Variants in HERC4 observed in about 807,000 individuals in gnomAD.
HERC4 encodes the protein probable E3 ubiquitin-protein ligase HERC4.
In HERC4, 28 loss-of-function variants were observed where a neutral mutation model predicts 124.3. The observed-to-expected ratio is 0.23, with a 90% CI of 0.17 to 0.31. HERC4 has a LOEUF of 0.31. Among genes scored for constraint, HERC4 ranks in the 10% least tolerant of loss-of-function variants. HERC4 has a pLI of 1.00. For missense variants in HERC4, 713 were observed against 1,229.3 expected, an observed-to-expected ratio of 0.58 and a Z score of 6.28; for synonymous variants, 407 against 421.5, an observed-to-expected ratio of 0.97 and a Z score of 0.42.
At chr10:67,929,663 C>T (rs57917056) in intron 23 of HERC4, among the ~76,000 whole-genome samples, 11,444 of 151,016 alleles carry the variant, frequency 0.076, 1,123 homozygotes, top group African/African-American at 0.23. Context: ...TACTGGTGCA[C>T]GCCACCATAA....
chr10:67,950,361 C>T (rs1452276390), intron 19 of HERC4, among the ~76,000 whole-genome samples: 2 of 151,734 alleles, frequency 1.3e-5, no homozygotes, highest in African/African-American at 2.4e-5. Flanking sequence ...CTGCAACCTC[C>T]GCCATCCAGG....
Position 67,992,283 on chromosome 10 carries a change from G to A in HERC4, c.1187C>T (p.Thr396Ile), listed in dbSNP as rs2036594464. ...TTCATTCACTGTCCAGATCTGCTTTGTCGGATTGGGACATCTGAAGTCATC... is the reference window on the plus strand; with the variant it reads ...TTCATTCACTGTCCAGATCTGCTTTATCGGATTGGGACATCTGAAGTCATC... ...PPDDFRCPNP[T>I]KQIWTVNEAL... The change falls in exon 11 of 25, where the codon ACA becomes ATA. Residue 396 changes from threonine to isoleucine, a missense_variant. By Grantham distance (89) the Thr-to-Ile change is moderately conservative. Transcript: ENST00000373700. 6.2e-7 allele frequency: 1 copy of A among 1,613,804 alleles called. No homozygotes were observed. Among genetic ancestry groups the A allele is most frequent in the Admixed American group, 1.7e-5 (1 of 60,010 alleles).
At chr10:67,960,335 T>C (rs1205627450) in intron 16 of HERC4, among the ~76,000 whole-genome samples, 1 of 152,198 alleles carries the variant, frequency 6.6e-6, no homozygotes, top group East Asian at 1.9e-4. Flanking sequence ...TTTCTTCCCT[T>C]GGCTGATTTT....
intron 15 of HERC4, among the ~76,000 whole-genome samples, chr10:67,967,100 C>T (rs2034927765): frequency 6.6e-6 from 1 of 152,204 alleles, no homozygotes; most frequent in African/African-American, 2.4e-5. Flanking sequence ...GTGATCTGTC[C>T]ACCTTGGCCT....
intron 8 of HERC4, among the ~76,000 whole-genome samples, chr10:68,023,864 G>A (rs1207050335): frequency 6.6e-6 from 1 of 152,106 alleles, no homozygotes. Flanking sequence ...GCAACACTAT[G>A]TTTTTGAAGA....
intron 3 of HERC4, among the ~76,000 whole-genome samples, chr10:68,047,869 T>C (rs1254151473): frequency 6.6e-6 from 1 of 152,212 alleles, no homozygotes; most frequent in Non-Finnish European, 1.5e-5. Context: ...ACCCAATTCC[T>C]TGATATTTAC....
chr10:68,009,697 G>C, intron 9 of HERC4, among the ~76,000 whole-genome samples: 1 of 152,152 alleles, frequency 6.6e-6, no homozygotes, highest in Non-Finnish European at 1.5e-5. Context: ...TTTCATAAAA[G>C]ATTTCTCTAT....
intron 9 of HERC4, among the ~76,000 whole-genome samples, chr10:68,002,399 G>A (rs1376573495): frequency 6.6e-6 from 1 of 151,326 alleles, no homozygotes; most frequent in African/African-American, 2.4e-5. Flanking sequence ...ATGAAAAGAA[G>A]GACATTTTGG....
chr10:67,965,265 AATAATAC>A (rs1254324105), intron 16 of HERC4: 1 of 152,184 alleles, frequency 6.6e-6, no homozygotes, highest in Non-Finnish European at 1.5e-5. Flanking sequence ...CCCTCATTTT[AATAATAC>A]ATATTATTAG....
intron 8 of HERC4, among the ~76,000 whole-genome samples, chr10:68,020,272 A>AG (rs1165305821): frequency 2.6e-5 from 4 of 152,192 alleles, no homozygotes; most frequent in Non-Finnish European, 4.4e-5. Context: ...AGACATACAA[A>AG]GTAGTAGGAA....
chr10:68,010,829 T>C, intron 9 of HERC4: 1 of 1,533,116 alleles, frequency 6.5e-7, no homozygotes, highest in Non-Finnish European at 9.0e-7. Flanking sequence ...CTTCAGGAGC[T>C]TGGCAAATTG....
At chr10:68,000,453 C>T (rs1335073743) in intron 9 of HERC4, among the ~76,000 whole-genome samples, 3 of 151,972 alleles carry the variant, frequency 2.0e-5, no homozygotes, top group Non-Finnish European at 2.9e-5. Flanking sequence ...GTGGCATGCA[C>T]CTGTAGTCCC....
intron 23 of HERC4, among the ~76,000 whole-genome samples, chr10:67,928,949 T>C (rs2031479235): frequency 2.0e-5 from 3 of 151,950 alleles, no homozygotes; most frequent in Non-Finnish European, 4.4e-5. Context: ...CTCCTGACAA[T>C]CCTGTCCCTC....
At chr10:68,071,906 A>G (rs1490813927) in intron 3 of HERC4, among the ~76,000 whole-genome samples, 1 of 152,236 alleles carries the variant, frequency 6.6e-6, no homozygotes, top group Non-Finnish European at 1.5e-5. Context: ...GAGATTTGGC[A>G]TGGTCGTGAG....
chr10:68,027,161 T>G (rs1330735026), intron 7 of HERC4, among the ~76,000 whole-genome samples: 1 of 152,268 alleles, frequency 6.6e-6, no homozygotes, highest in Non-Finnish European at 1.5e-5. Flanking sequence ...ATATGCAACT[T>G]TATATCCTGC....
chr10:67,992,398 AT>A, intron 10 of HERC4, 75 bp from the exon 11 acceptor site: 4 of 1,539,046 alleles, frequency 2.6e-6, no homozygotes, highest in Non-Finnish European at 3.5e-6. Flanking sequence ...TTCCCACCAT[AT>A]ATTTGTTCTT....
At chr10:67,941,617 CAT>C (rs773405085) in intron 19 of HERC4, among the ~76,000 whole-genome samples, 86 of 147,916 alleles carry the variant, frequency 5.8e-4, no homozygotes, top group South Asian at 1.1e-3. Context: ...GATTTTATCT[CAT>C]TTTCTAATTA....
chr10:68,039,587 C>T (rs892511084), intron 4 of HERC4: 10 of 1,500,412 alleles, frequency 6.7e-6, no homozygotes, highest in Non-Finnish European at 5.3e-6. Flanking sequence ...ATGCTCTTAA[C>T]TACAAAACCT....
rs879488845 is a variant in HERC4, at chr10:67,968,377, C to CT, written c.1807-1576dup. ...AGAAAGCACAGCTGAGAGGCTACTC[C>CT]TTTTTTTTTTTTTGAGACAAAGTCT... On this transcript the variant is annotated intron_variant, in intron 15 of 24. Transcript: ENST00000373700. 5.0e-3 allele frequency among the ~76,000 whole-genome samples: 721 copies of CT among 144,338 alleles called. 1 individual carries two copies. The highest frequency in any genetic ancestry group is 0.014 in the African/African-American group (540 of 39,606). 94.7% of individuals were successfully genotyped at this position (144,338 alleles called of 152,430 possible).
Sources: allele counts gnomAD v4.1 joint callset (sites outside exome capture counted in the v4.1 genomes callset), GRCh38; gene constraint gnomAD v4.1.1; transcripts MANE v1.5; gene names NCBI Gene and HGNC (gene_info 2026-07-23, HGNC 2026-07-21).